The following ANO1 variants were observed in gnomAD, a reference collection of about 807,000 sequenced individuals.
The protein encoded by ANO1 is anoctamin 1, also known as anoctamin-1.
Under a neutral mutation model 124.0 loss-of-function variants are expected in ANO1, and 59 were observed. That is an observed-to-expected ratio of 0.48 (90% confidence interval 0.39 to 0.59). The LOEUF is 0.59. Among genes scored for constraint, ANO1 ranks in the 20% least tolerant of loss-of-function variants. The pLI, the probability that ANO1 is intolerant of heterozygous loss-of-function variation, is 0.00. For synonymous variants in ANO1, 529 were observed against 532.0 expected (o/e 0.99, Z 0.08); for missense variants, 1,059 against 1,328.0 (o/e 0.80, Z 3.15).
chr11:70,079,554 C>G (rs920617404), intron 1 of ANO1, among the ~76,000 whole-genome samples: 3 of 152,102 alleles, frequency 2.0e-5, no homozygotes, highest in Non-Finnish European at 4.4e-5. Context: ...CAAAGTTTGC[C>G]GGAAGAGGAT....
At chr11:70,122,632 C>A (rs1485372067) in intron 8 of ANO1, among the ~76,000 whole-genome samples, 1 of 151,438 alleles carries the variant, frequency 6.6e-6, no homozygotes, top group Non-Finnish European at 1.5e-5. Context: ...TCCCTCCCTC[C>A]CCCTTCTCTC....
chr11:70,098,742 CTG>C (rs2045124206), intron 2 of ANO1, among the ~76,000 whole-genome samples: 1 of 152,168 alleles, frequency 6.6e-6, no homozygotes, highest in African/African-American at 2.4e-5. Context: ...GTGGCCAAGA[CTG>C]GATGATAGAA....
At chr11:70,112,290 G>A (rs765016798) in intron 7 of ANO1, among the ~76,000 whole-genome samples, 2 of 152,250 alleles carry the variant, frequency 1.3e-5, no homozygotes, top group African/African-American at 2.4e-5. Context: ...GTTCAGCAGG[G>A]CACTGGGAAT....
chr11:70,079,614 A>G (rs2044143665), intron 1 of ANO1, among the ~76,000 whole-genome samples: 1 of 152,166 alleles, frequency 6.6e-6, no homozygotes, highest in African/African-American at 2.4e-5. Context: ...GGAAGCTCTC[A>G]GCAGCAATTT....
intron 25 of ANO1, among the ~76,000 whole-genome samples, chr11:70,186,249 T>C (rs915965027): frequency 4.0e-5 from 6 of 150,164 alleles, no homozygotes; most frequent in African/African-American, 1.5e-4. Context: ...ATCGTGCCAC[T>C]ACACTCCAGC....
At chr11:70,013,431 A>C (rs1856637159) in intron 1 of ANO1, among the ~76,000 whole-genome samples, 1 of 152,160 alleles carries the variant, frequency 6.6e-6, no homozygotes, top group Non-Finnish European at 1.5e-5. Flanking sequence ...TACATAGAGA[A>C]AAGCACACAT....
chr11:69,982,177 G>A (rs1554996307), upstream of ANO1, among the ~76,000 whole-genome samples: 3 of 152,204 alleles, frequency 2.0e-5, no homozygotes, highest in Non-Finnish European at 1.5e-5. Flanking sequence ...TTTATCTTAT[G>A]TGAATGTCAC....
intron 1 of ANO1, among the ~76,000 whole-genome samples, chr11:70,003,526 G>A (rs992025441): frequency 2.0e-5 from 3 of 151,318 alleles, no homozygotes; most frequent in African/African-American, 4.9e-5. Flanking sequence ...TGCTGGGAGG[G>A]CATATCACCC....
chr11:70,152,357 A>T, intron 12 of ANO1, 93 bp from the exon 13 acceptor site: 80 of 922,206 alleles, frequency 8.7e-5, no homozygotes, highest in Non-Finnish European at 1.2e-4. Context: ...AAAAAAAAAA[A>T]GTTGTCCTTA....
intron 5 of ANO1, 99 bp downstream of exon 5, chr11:70,105,887 G>T: frequency 8.1e-7 from 1 of 1,236,356 alleles, no homozygotes. Context: ...GGTGGAAGCC[G>T]GCTCTAATTG....
rs943173826 is a variant in ANO1 at position 70,104,793 on chromosome 11, G to C, written c.692+643G>C. On this transcript the variant is annotated intron_variant, in intron 4 of 25. Coordinates refer to ENST00000355303, the MANE Select transcript of ANO1 (RefSeq NM_018043.7). ...CAGAGGGACTTTGGATGGAAGCTCT[G>C]GCGGGCAGGAGGGCTCCTGGACAGT... 2.6e-5 allele frequency among the ~76,000 whole-genome samples: 4 copies of C among 152,162 alleles called. No homozygotes were observed. The East Asian group carries it at 5.8e-4, about 22-fold the overall frequency.
intron 1 of ANO1, among the ~76,000 whole-genome samples, chr11:70,052,535 T>TC (rs1565169341): frequency 1.3e-3 from 55 of 43,126 alleles, no homozygotes; most frequent in Non-Finnish European, 1.8e-3. Context: ...TCTTTTCTTT[T>TC]TTTTTTTTTT....
chr11:70,112,553 CTTTTTTTTT>C (rs11357130), intron 7 of ANO1, among the ~76,000 whole-genome samples: 1 of 136,836 alleles, frequency 7.3e-6, no homozygotes, highest in African/African-American at 2.7e-5. Context: ...CTTTTCTTTT[CTTTTTTTTT>C]TTTTTTTTGA....
chr11:70,017,221 T>C (rs782564156), intron 1 of ANO1, among the ~76,000 whole-genome samples: 2 of 152,210 alleles, frequency 1.3e-5, no homozygotes, highest in Non-Finnish European at 1.5e-5. Context: ...AATAATGCTT[T>C]TCTTGTGAAC....
chr11:70,060,188 T>C (rs556552436), intron 1 of ANO1, among the ~76,000 whole-genome samples: 57 of 152,132 alleles, frequency 3.7e-4, no homozygotes, highest in African/African-American at 1.3e-3. Flanking sequence ...GAAAGCATAT[T>C]TGGAGTCAGT....
At chr11:70,111,839 G>A (rs2045794987) in intron 7 of ANO1, 77 bp downstream of exon 7, 13 of 1,407,660 alleles carry the variant, frequency 9.2e-6, no homozygotes, top group African/African-American at 1.4e-5. Context: ...CCCCCCGGGA[G>A]CTGCAATTAT....
chr11:70,149,596 G>C, intron 11 of ANO1, 114 bp from the exon 12 acceptor site: 1 of 1,089,420 alleles, frequency 9.2e-7, no homozygotes, highest in South Asian at 1.4e-5. Flanking sequence ...ATTGCAGTGG[G>C]TGGAGATTGC....
chr11:70,148,374 A>G (rs1319223163), intron 11 of ANO1, among the ~76,000 whole-genome samples: 1 of 152,174 alleles, frequency 6.6e-6, no homozygotes, highest in Non-Finnish European at 1.5e-5. Flanking sequence ...CAGTCTGATT[A>G]TTAGAGGGCA....
In ANO1 at chr11:70,153,107, G is replaced by A. The variant is rs770931306; in HGVS notation, c.1404G>A (p.Lys468=). 6.2e-7 allele frequency: 1 copy of A among 1,606,684 alleles called. No homozygotes were observed. Among genetic ancestry groups the A allele is most frequent in the Non-Finnish European group, 8.5e-7 (1 of 1,176,480 alleles). The part of the protein sequence containing the change: ...YEARVLEKSL[K]KESRNKEKRR... ...CCAGAGTCTTGGAGAAGTCTCTGAA[G>A]AAAGAGTCCAGAAACAAAGAGGTAT... Residue 468 remains lysine (K), a synonymous_variant, in exon 14 of 26, where the codon AAG becomes AAA. Transcript: ENST00000355303.
Sources: gnomAD v4.1 joint callset for allele counts (sites outside exome capture counted in the v4.1 genomes callset) on GRCh38, gnomAD v4.1.1 for gene constraint, MANE v1.5 for transcripts, NCBI Gene and HGNC (gene_info 2026-07-23, HGNC 2026-07-21) for gene names.